The following PTPRD variants were observed in gnomAD, a reference collection of about 807,000 sequenced individuals.
The protein encoded by PTPRD is receptor-type tyrosine-protein phosphatase delta.
In PTPRD, 34 loss-of-function variants were observed where a neutral mutation model predicts 214.5. The observed-to-expected ratio is 0.16, with a 90% CI of 0.12 to 0.21. The LOEUF (loss-of-function observed/expected upper bound fraction) is 0.21, where lower values mean the gene tolerates loss of function less well. Ranked by LOEUF, PTPRD falls within the 10% of genes least tolerant of loss-of-function variation. The pLI is 1.00. For synonymous variants in PTPRD, 1,128 were observed against 845.7 expected, an observed-to-expected ratio of 1.33 and a Z score of -5.79; for missense variants, 2,545 against 2,398.7, an observed-to-expected ratio of 1.06 and a Z score of -1.27.
At chr9:8,546,382 T>C (rs565495070) in intron 14 of PTPRD, among the ~76,000 whole-genome samples, 4 of 152,370 alleles carry the variant, frequency 2.6e-5, no homozygotes, top group Non-Finnish European at 5.9e-5. Context: ...AAATTAAACA[T>C]GCATATGATG....
chr9:9,653,685 T>C (rs1306456696), intron 7 of PTPRD, among the ~76,000 whole-genome samples: 1 of 152,162 alleles, frequency 6.6e-6, no homozygotes, highest in Non-Finnish European at 1.5e-5. Flanking sequence ...TTGAAATTGT[T>C]TGCTTATAGA....
chr9:9,004,480 G>GT (rs139627796), intron 11 of PTPRD, among the ~76,000 whole-genome samples: 22 of 150,726 alleles, frequency 1.5e-4, no homozygotes, highest in African/African-American at 3.6e-4. Context: ...CTCTGTGGCT[G>GT]TTTTTTTTTA....
intron 7 of PTPRD, among the ~76,000 whole-genome samples, chr9:9,648,034 A>T (rs1339290134): frequency 6.6e-6 from 1 of 152,122 alleles, no homozygotes. Flanking sequence ...TGTCTTTGCC[A>T]TTTTTCTGCT....
intron 5 of PTPRD, among the ~76,000 whole-genome samples, chr9:9,798,949 C>T (rs1024523878): frequency 2.1e-4 from 32 of 152,044 alleles, no homozygotes; most frequent in African/African-American, 7.5e-4. Context: ...TTTAAAAATG[C>T]TTTGTTCTCA....
At chr9:9,679,726 A>G (rs1411848597) in intron 7 of PTPRD, among the ~76,000 whole-genome samples, 1 of 151,940 alleles carries the variant, frequency 6.6e-6, no homozygotes, top group African/African-American at 2.4e-5. Context: ...TAAAAGATGT[A>G]AGAAAGGAAA....
At chr9:9,016,331 G>A (rs2154366044) in intron 11 of PTPRD, among the ~76,000 whole-genome samples, 1 of 152,114 alleles carries the variant, frequency 6.6e-6, no homozygotes, top group Non-Finnish European at 1.5e-5. Flanking sequence ...AATATACATG[G>A]GCTGTGGAAC....
chr9:10,225,966 C>T (rs1311988364), intron 3 of PTPRD, among the ~76,000 whole-genome samples: 1 of 152,062 alleles, frequency 6.6e-6, no homozygotes, highest in Non-Finnish European at 1.5e-5. Context: ...AGACCTTATG[C>T]TATGTCCAGT....
At chr9:9,601,149 G>T (rs564665789) in intron 7 of PTPRD, among the ~76,000 whole-genome samples, 38 of 87,802 alleles carry the variant, frequency 4.3e-4, no homozygotes, top group African/African-American at 1.7e-3. Flanking sequence ...GTGTGTGTGT[G>T]TATGGGGGGG....
chr9:8,919,735 A>C (rs2098811870), intron 11 of PTPRD, among the ~76,000 whole-genome samples: 1 of 152,140 alleles, frequency 6.6e-6, no homozygotes, highest in African/African-American at 2.4e-5. Flanking sequence ...ATGCATGCAC[A>C]CACATACATG....
At chr9:10,096,510 T>C in intron 3 of PTPRD, among the ~76,000 whole-genome samples, 1 of 151,988 alleles carries the variant, frequency 6.6e-6, no homozygotes, top group Non-Finnish European at 1.5e-5. Context: ...CATTTTTTCA[T>C]GTGTCTTTTG....
Position 8,524,909 on chromosome 9 carries a change from G to GTTATGTCA in PTPRD, c.679+8_679+15dup, listed in dbSNP as rs1564064712. ...GCCTGAATGAAGAAGCGATGCCAGG[G>GTTATGTCA]TTATGTCATTCCTACCTCTGACATA... On this transcript the variant is annotated intron_variant, in intron 18 of 45. Coordinates refer to ENST00000381196, the MANE Select transcript of PTPRD (RefSeq NM_002839.4). The GTTATGTCA allele has an allele frequency of 6.2e-7, 1 of 1,603,756 alleles. No individual in the cohort carries two copies. The highest frequency in any genetic ancestry group is 2.2e-5 in the East Asian group (1 of 44,832).
At chr9:8,866,492 C>A (rs978771667) in intron 11 of PTPRD, among the ~76,000 whole-genome samples, 17 of 152,106 alleles carry the variant, frequency 1.1e-4, no homozygotes, top group African/African-American at 4.1e-4. Flanking sequence ...TAATAAAACA[C>A]AAGTTGATTA....
chr9:8,653,137 T>C (rs1216172559), intron 12 of PTPRD, among the ~76,000 whole-genome samples: 1 of 152,104 alleles, frequency 6.6e-6, no homozygotes, highest in Non-Finnish European at 1.5e-5. Flanking sequence ...AAAAATGCCA[T>C]GAAAGTAGAT....
At chr9:8,741,747 T>C (rs182199395) in intron 11 of PTPRD, among the ~76,000 whole-genome samples, 26 of 151,840 alleles carry the variant, frequency 1.7e-4, no homozygotes, top group Non-Finnish European at 3.4e-4. Flanking sequence ...CACATCACCA[T>C]GCCAAGCTAA....
intron 14 of PTPRD, among the ~76,000 whole-genome samples, chr9:8,629,614 A>C (rs1212078260): frequency 1.3e-5 from 2 of 151,834 alleles, no homozygotes; most frequent in East Asian, 1.9e-4. Flanking sequence ...GCCTCAGTAC[A>C]TCCTAAGGCC....
intron 3 of PTPRD, among the ~76,000 whole-genome samples, chr9:10,239,654 G>A (rs1418887849): frequency 6.6e-6 from 1 of 151,788 alleles, no homozygotes; most frequent in Non-Finnish European, 1.5e-5. Context: ...TATCATTGCT[G>A]AGAGCTTAGT....
At chr9:8,851,548 C>A (rs1012274856) in intron 11 of PTPRD, among the ~76,000 whole-genome samples, 1 of 152,154 alleles carries the variant, frequency 6.6e-6, no homozygotes, top group African/African-American at 2.4e-5. Context: ...TCCAACAGAT[C>A]TTAATTTTTA....
At chr9:8,962,614 T>A (rs537859171) in intron 11 of PTPRD, among the ~76,000 whole-genome samples, 14 of 152,044 alleles carry the variant, frequency 9.2e-5, no homozygotes, top group African/African-American at 3.4e-4. Context: ...ATGTAAAAAA[T>A]TGATTTATCA....
At chr9:10,264,999 G>C (rs2093958911) in intron 3 of PTPRD, among the ~76,000 whole-genome samples, 1 of 152,136 alleles carries the variant, frequency 6.6e-6, no homozygotes, top group South Asian at 2.1e-4. Flanking sequence ...CACCATGTTT[G>C]ACATGGCCTT....
Sources: gnomAD v4.1 joint callset for allele counts (sites outside exome capture counted in the v4.1 genomes callset) on GRCh38, gnomAD v4.1.1 for gene constraint, MANE v1.5 for transcripts, NCBI Gene and HGNC (gene_info 2026-07-23, HGNC 2026-07-21) for gene names.